CXXC5: variants seen among roughly 807,000 people sequenced by gnomAD.
The protein encoded by CXXC5 is CXXC finger protein 5, also known as CXXC-type zinc finger protein 5.
Under a neutral mutation model 17.6 loss-of-function variants are expected in CXXC5, and 2 were observed. The observed-to-expected ratio is 0.11, with a 90% CI of 0.05 to 0.36. The LOEUF (loss-of-function observed/expected upper bound fraction) is 0.36, where lower values mean the gene tolerates loss of function less well. CXXC5 is among the 10% of genes least tolerant of loss of function. CXXC5 has a pLI of 1.00. For missense variants in CXXC5, 343 were observed against 458.3 expected (o/e 0.75, Z 2.30); for synonymous variants, 171 against 193.0 (o/e 0.89, Z 0.94).
chr5:139,652,167 CGCGCGTGTGT>C (rs1755240022), intron 1 of CXXC5, among the ~76,000 whole-genome samples: 1 of 141,964 alleles, frequency 7.0e-6, no homozygotes, highest in South Asian at 2.3e-4. Context: ...CGCGCGCGCG[CGCGCGTGTGT>C]GTGTGTGTGT....
chr5:139,677,851 C>A (rs1170227186), intron 1 of CXXC5, among the ~76,000 whole-genome samples: 1 of 152,258 alleles, frequency 6.6e-6, no homozygotes, highest in Non-Finnish European at 1.5e-5. Flanking sequence ...AGCGCCAGCC[C>A]TGAGCGCAGG....
chr5:139,677,213 C>T (rs1756894231), intron 1 of CXXC5, among the ~76,000 whole-genome samples: 3 of 151,990 alleles, frequency 2.0e-5, no homozygotes, highest in South Asian at 2.1e-4. Flanking sequence ...TGGATGCGCC[C>T]GCCGCCGCCC....
Position 139,683,083 on chromosome 5 carries a change from A to C in CXXC5, c.*176A>C. 2.2e-6 allele frequency: 1 copy of C among 463,786 alleles called. No homozygotes were observed. Among genetic ancestry groups the C allele is most frequent in the Non-Finnish European group, 3.5e-6 (1 of 282,624 alleles). 28.7% of individuals were successfully genotyped at this position (463,786 alleles called of 1,614,324 possible). ...TTTTTGTTGTCGTTTTAACATCTCC[A>C]CGTCCCTAGCATAAAAAGAAAAAGA... On this transcript the variant is annotated 3_prime_UTR_variant, in exon 3 of 3. Coordinates refer to ENST00000302517, the MANE Select transcript of CXXC5 (RefSeq NM_016463.9).
chr5:139,649,310 G>A (rs1488861776), intron 1 of CXXC5: 1 of 152,328 alleles, frequency 6.6e-6, no homozygotes, highest in Non-Finnish European at 1.5e-5. Flanking sequence ...CGGGCGCTGG[G>A]GCAGCGGGCG....
chr5:139,667,521 G>C (rs1756175798), intron 1 of CXXC5, among the ~76,000 whole-genome samples: 1 of 152,192 alleles, frequency 6.6e-6, no homozygotes, highest in African/African-American at 2.4e-5. Flanking sequence ...ACAGCCTGTT[G>C]AGGGGCAGAG....
At position 139,648,665 on chromosome 5, in the gene CXXC5, T is replaced by C. The variant is rs987778336; in HGVS notation, c.-341T>C. On this transcript the variant is annotated 5_prime_UTR_variant, in exon 1 of 3. Transcript: ENST00000302517. ...GGCAGGTGCTGCAGGCTCCCCCCCC[T>C]CCCCGCCTCGGGCCAGCCGCGGCGG... 3 of 148,540 alleles carry C rather than the reference T, an allele frequency of 2.0e-5. No homozygotes were observed. The highest frequency in any genetic ancestry group is 3.0e-5 in the Non-Finnish European group (2 of 66,868). The allele number at this position is 148,540 out of a possible 1,614,324, so 9.2% of individuals were successfully genotyped here.
chr5:139,658,699 G>A lies in CXXC5; in HGVS notation c.-161+9854G>A, dbSNP rs376055670. On this transcript the variant is annotated intron_variant, in intron 1 of 2. Coordinates refer to ENST00000302517, the MANE Select transcript of CXXC5 (RefSeq NM_016463.9). This position sits in a 1 kb window ranked among gnomAD's most constrained non-coding sequence, Gnocchi z 4.1. ...CCAGCAACAGCCGGCAGGGCCGGGC[G>A]GCTTCCCAGCTCCCCCTCTGACTCA... Among the ~76,000 whole-genome samples, 1 of 152,202 alleles carries A rather than the reference G, an allele frequency of 6.6e-6. No homozygotes were observed. Among genetic ancestry groups the A allele is most frequent in the African/African-American group, 2.4e-5 (1 of 41,454 alleles).
intron 1 of CXXC5, among the ~76,000 whole-genome samples, chr5:139,650,215 G>T (rs1755090686): frequency 6.6e-6 from 1 of 152,144 alleles, no homozygotes. Flanking sequence ...GAAGTCTCCC[G>T]CGACGGGGGT....
intron 1 of CXXC5, among the ~76,000 whole-genome samples, chr5:139,678,182 C>T (rs1056986648): frequency 1.3e-5 from 2 of 152,230 alleles, no homozygotes; most frequent in African/African-American, 4.8e-5. Flanking sequence ...GATGAGCTGA[C>T]TTGACGGTTT....
At chr5:139,682,175 G>T (rs760678000) in intron 2 of CXXC5, among the ~76,000 whole-genome samples, 1 of 152,202 alleles carries the variant, frequency 6.6e-6, no homozygotes, top group Admixed American at 6.5e-5. Flanking sequence ...TAGCTGGAGT[G>T]CCAGGCCTGG....
At chr5:139,660,244 G>C (rs616529) in intron 1 of CXXC5, among the ~76,000 whole-genome samples, 12,889 of 152,282 alleles carry the variant, frequency 0.085, 700 homozygotes, top group South Asian at 0.14. Context: ...GGGCCTGCAG[G>C]CTCAAAGAGG....
intron 1 of CXXC5, among the ~76,000 whole-genome samples, chr5:139,676,094 C>T (rs1184880511): frequency 2.6e-5 from 4 of 151,652 alleles, no homozygotes; most frequent in African/African-American, 7.3e-5. Flanking sequence ...GCCAAGAACC[C>T]ATTACCCCCC....
intron 1 of CXXC5, chr5:139,659,681 C>CCG (rs946745064): frequency 1.3e-5 from 2 of 152,166 alleles, no homozygotes; most frequent in Non-Finnish European, 2.9e-5. Context: ...TGGGAGGTTC[C>CCG]GGGGGGCAGC....
In CXXC5 at chr5:139,663,441, G is replaced by C. The variant is rs1165675180; in HGVS notation, c.-161+14596G>C. On this transcript the variant is annotated intron_variant, in intron 1 of 2. Transcript: ENST00000302517. This position sits in a 1 kb window ranked among gnomAD's most constrained non-coding sequence, Gnocchi z 4.2. ...GGCAGGGCTGAGGGCGAGGGAGGTA[G>C]GAGGAAAGGCTGTCTAGAAGTGTAG... is the stretch of plus-strand genomic sequence containing the variant. Among the ~76,000 whole-genome samples the C allele has an allele frequency of 6.6e-6, 1 of 152,110 alleles. No homozygotes were observed. Among genetic ancestry groups the C allele is most frequent in the Non-Finnish European group, 1.5e-5 (1 of 68,014 alleles).
intron 1 of CXXC5, chr5:139,649,715 C>T (rs1755064508): frequency 6.6e-6 from 1 of 152,450 alleles, no homozygotes; most frequent in Non-Finnish European, 1.5e-5. Context: ...CGTGCAGAGC[C>T]TGGGAGGGAG....
Position 139,661,041 on chromosome 5 carries a change from G to A in CXXC5, c.-161+12196G>A, listed in dbSNP as rs571284177. ...CTGGGCCGAGGGGGCCAGGGCAGCC[G>A]GAGTCTGGGGGACCAGGACAGCCTC... On this transcript the variant is annotated intron_variant, in intron 1 of 2. Transcript: ENST00000302517. This position sits in a 1 kb window ranked among gnomAD's most constrained non-coding sequence, Gnocchi z 4.7. 4.6e-5 allele frequency among the ~76,000 whole-genome samples: 7 copies of A among 152,300 alleles called. No individual in the cohort carries two copies. Among genetic ancestry groups the A allele is most frequent in the East Asian group, 1.9e-4 (1 of 5,186 alleles).
At position 139,670,206 on chromosome 5, in the gene CXXC5, C is replaced by T. The variant is rs1277012575; in HGVS notation, c.-160-10158C>T. 2.6e-5 allele frequency among the ~76,000 whole-genome samples: 4 copies of T among 152,244 alleles called. No homozygotes were observed. Among genetic ancestry groups the T allele is most frequent in the Non-Finnish European group, 5.9e-5 (4 of 68,038 alleles). On this transcript the variant is annotated intron_variant, in intron 1 of 2. Transcript: ENST00000302517. This position sits in a 1 kb window ranked among gnomAD's most constrained non-coding sequence, Gnocchi z 4.2. ...TCAGCCTCCCGCCTCTCGCCTGCCT[C>T]CCCCACGCCTCTGCAGGGAGGGCCT...
At chr5:139,650,089 T>C (rs1277754640) in intron 1 of CXXC5, among the ~76,000 whole-genome samples, 4 of 152,238 alleles carry the variant, frequency 2.6e-5, no homozygotes, top group Non-Finnish European at 5.9e-5. Flanking sequence ...TTGTTCTTTT[T>C]TCCCCCCCGG....
In CXXC5 at chr5:139,682,880, G is replaced by C. The variant is rs750954896; in HGVS notation, c.942G>C (p.Thr314=). The change falls in exon 3 of 3, where the codon ACG becomes ACC. Residue 314 remains threonine, a synonymous_variant. Transcript: ENST00000302517. ...SAALEKVMLP[T]GAAFRWFQ is the part of the protein sequence containing the mutation. ...CCCGCCAGAAGGTGATGCTTCCGAC[G>C]GGAGCCGCCTTCCGGTGGTTTCAGT... 1.3e-6 allele frequency: 2 copies of C among 1,594,114 alleles called. No homozygotes were observed. Among genetic ancestry groups the C allele is most frequent in the Non-Finnish European group, 8.5e-7 (1 of 1,170,144 alleles).
Sources: allele counts gnomAD v4.1 joint callset (sites outside exome capture counted in the v4.1 genomes callset), GRCh38; gene constraint gnomAD v4.1.1; non-coding constraint Gnocchi (gnomAD v3.1); transcripts MANE v1.5; gene names NCBI Gene and HGNC (gene_info 2026-07-23, HGNC 2026-07-21).